Variants in ZBTB38 observed in about 807,000 individuals in gnomAD.
The protein encoded by ZBTB38 is zinc finger and BTB domain-containing protein 38.
A neutral mutation model predicts 76.8 loss-of-function variants in ZBTB38; 20 were observed. The ratio of observed to expected loss-of-function variants is 0.26; its 90% confidence interval spans 0.18 to 0.38. The LOEUF (loss-of-function observed/expected upper bound fraction) is 0.38. Among genes scored for constraint, ZBTB38 ranks in the 10% least tolerant of loss-of-function variants. ZBTB38 has a pLI of 1.00. For missense variants in ZBTB38, 1,082 were observed against 1,482.3 expected (o/e 0.73, Z 4.43); for synonymous variants, 504 against 544.2 (o/e 0.93, Z 1.03).
Position 141,445,233 on chromosome 3 carries a change from A to C in ZBTB38, c.2845A>C (p.Ser949Arg), listed in dbSNP as rs1457135993. The change falls in exon 6 of 6, where the codon AGC becomes CGC. Residue 949 changes from serine (S) to arginine (R), a missense_variant. Around this residue, in one of 8 missense-constraint regions of ZBTB38, gnomAD observed 471 missense variants for 581.0 expected, o/e 0.81. Coordinates refer to ENST00000321464, the MANE Select transcript of ZBTB38 (RefSeq NM_001376113.1). This position sits in a 1 kb window ranked among gnomAD's most constrained non-coding sequence, Gnocchi z 6.5. ...WRKEHGNRSPSHKCKYPAELD... is the reference protein window; with the variant it reads ...WRKEHGNRSPRHKCKYPAELD... ...GAAGGAGCACGGAAACAGGAGCCCG[A>C]GCCATAAATGTAAATACCCAGCAGA... The C allele has an allele frequency of 6.2e-7, 1 of 1,614,204 alleles. No individual in the cohort carries two copies. Among genetic ancestry groups the C allele is most frequent in the African/African-American group, 1.3e-5 (1 of 75,052 alleles).
At chr3:141,400,774 A>C (rs1356133152) in intron 4 of ZBTB38, among the ~76,000 whole-genome samples, 1 of 152,226 alleles carries the variant, frequency 6.6e-6, no homozygotes, top group Non-Finnish European at 1.5e-5. Flanking sequence ...AAAGCCCTAC[A>C]AGGTAGGCAC....
chr3:141,334,080 C>T (rs1255530667), intron 1 of ZBTB38, among the ~76,000 whole-genome samples: 3 of 152,202 alleles, frequency 2.0e-5, no homozygotes, highest in Non-Finnish European at 1.5e-5. Flanking sequence ...GGGACGCATA[C>T]ATCTCTCAGG....
intron 5 of ZBTB38, among the ~76,000 whole-genome samples, chr3:141,422,537 A>C (rs959915085): frequency 6.6e-5 from 10 of 152,148 alleles, no homozygotes; most frequent in Admixed American, 5.9e-4. Flanking sequence ...TGATGTTTCT[A>C]TGTGTGAAGA....
chr3:141,367,951 G>A (rs1488475299), upstream of ZBTB38, among the ~76,000 whole-genome samples: 3 of 152,318 alleles, frequency 2.0e-5, no homozygotes, highest in Non-Finnish European at 4.4e-5. Flanking sequence ...GGAAGAGCTA[G>A]TTCATGTTGG....
Position 141,443,695 on chromosome 3 carries a change from A to T in ZBTB38, c.1307A>T (p.Glu436Val), listed in dbSNP as rs1375059055. The T allele has an allele frequency of 6.2e-7, 1 of 1,613,994 alleles. No individual in the cohort carries two copies. The highest frequency in any genetic ancestry group is 1.3e-5 in the African/African-American group (1 of 74,926). The change falls in exon 6 of 6, where the codon GAA becomes GTA. Residue 436 changes from glutamate (E) to valine (V), a missense_variant. This residue lies in a region of ZBTB38 where 324 missense variants were observed against 359.1 expected (regional missense o/e 0.90). Coordinates refer to ENST00000321464, the MANE Select transcript of ZBTB38 (RefSeq NM_001376113.1). This position sits in a 1 kb window ranked among gnomAD's most constrained non-coding sequence, Gnocchi z 5.6. ...TTATTATCTGAAAATAGGATTGGTG[A>T]ATTTTCCAGTACCGGAAGTACTTTG... ...EPLLSENRIG[E>V]FSSTGSTLPD... is the part of the protein sequence containing the mutation.
intron 3 of ZBTB38, among the ~76,000 whole-genome samples, chr3:141,385,107 C>A (rs548042811): frequency 1.3e-5 from 2 of 152,254 alleles, no homozygotes; most frequent in South Asian, 4.2e-4. Context: ...TGTTGCTAAC[C>A]TGATTATTTT....
intron 1 of ZBTB38, among the ~76,000 whole-genome samples, chr3:141,325,439 T>G (rs1262304975): frequency 1.3e-5 from 2 of 152,092 alleles, no homozygotes; most frequent in African/African-American, 4.8e-5. Flanking sequence ...CCACCTAAAG[T>G]GGAGATAGAA....
intron 5 of ZBTB38, among the ~76,000 whole-genome samples, chr3:141,412,184 CT>C (rs1433059395): frequency 6.6e-6 from 1 of 152,042 alleles, no homozygotes; most frequent in Non-Finnish European, 1.5e-5. Context: ...CTGTGGTATT[CT>C]GTAAACAAAT....
chr3:141,436,755 C>T (rs917070955), intron 5 of ZBTB38, among the ~76,000 whole-genome samples: 5 of 152,164 alleles, frequency 3.3e-5, no homozygotes, highest in Admixed American at 6.5e-5. Flanking sequence ...ACCTTGGCCT[C>T]CCAAAGTGCT....
intron 3 of ZBTB38, among the ~76,000 whole-genome samples, chr3:141,384,028 G>T (rs1293928858): frequency 6.6e-6 from 1 of 152,242 alleles, no homozygotes; most frequent in Non-Finnish European, 1.5e-5. Flanking sequence ...GGATTTACTA[G>T]TTGAGAATGT....
intron 4 of ZBTB38, among the ~76,000 whole-genome samples, chr3:141,398,919 G>A (rs1261767739): frequency 1.3e-5 from 2 of 152,126 alleles, no homozygotes; most frequent in Admixed American, 1.3e-4. Context: ...CAGTGCAATT[G>A]ACACTATTAA....
Position 141,444,585 on chromosome 3 carries a change from A to G in ZBTB38, c.2197A>G (p.Ile733Val), listed in dbSNP as rs1396153898. The change falls in exon 6 of 6, where the codon ATT (isoleucine) becomes GTT (valine). Residue 733 changes from isoleucine (I) to valine (V), a missense_variant. Physicochemically the swap from Ile to Val is conservative, Grantham distance 29. Coordinates refer to ENST00000321464, the MANE Select transcript of ZBTB38 (RefSeq NM_001376113.1). This position sits in a 1 kb window ranked among gnomAD's most constrained non-coding sequence, Gnocchi z 5.1. Reference sequence around the variant, plus strand: ...ATCGGTGATCATGCACAGCAATGCCATTGCTGCCATGACCAGCAGCAACCA... The same window carrying G: ...ATCGGTGATCATGCACAGCAATGCCGTTGCTGCCATGACCAGCAGCAACCA... ...FSSVIMHSNA[I>V]AAMTSSNHRA... The G allele has an allele frequency of 2.5e-6, 4 of 1,614,208 alleles. No homozygotes were observed. The African/African-American group carries it at 4.0e-5, about 16-fold the overall frequency.
intron 5 of ZBTB38, among the ~76,000 whole-genome samples, chr3:141,415,606 G>A (rs147713115): frequency 2.6e-5 from 4 of 152,324 alleles, no homozygotes; most frequent in Admixed American, 6.5e-5. Context: ...ACACTCTGGC[G>A]AAGCACAGAG....
chr3:141,372,616 G>T (rs1241830066), intron 2 of ZBTB38, among the ~76,000 whole-genome samples: 5 of 150,622 alleles, frequency 3.3e-5, no homozygotes, highest in African/African-American at 9.8e-5. Context: ...CACACCACAG[G>T]ACTCCGGCCT....
At chr3:141,386,271 T>C (rs540032412) in intron 3 of ZBTB38, among the ~76,000 whole-genome samples, 8 of 152,350 alleles carry the variant, frequency 5.3e-5, no homozygotes, top group African/African-American at 1.9e-4. Flanking sequence ...CCAGAGGAAT[T>C]CAGCATCAAT....
intron 4 of ZBTB38, chr3:141,388,903 G>A (rs980596288): frequency 1.8e-4 from 27 of 152,190 alleles, no homozygotes; most frequent in African/African-American, 6.5e-4. Context: ...GCTCCAGAAT[G>A]CAGGTCAAGG....
intron 5 of ZBTB38, among the ~76,000 whole-genome samples, chr3:141,418,193 G>A (rs9825379): frequency 0.13 from 19,832 of 151,952 alleles, 2,198 homozygotes; most frequent in African/African-American, 0.3. Flanking sequence ...AACTCATCCA[G>A]TATTGGAAAC....
intron 1 of ZBTB38, among the ~76,000 whole-genome samples, chr3:141,324,626 C>T (rs1357163061): frequency 6.6e-6 from 1 of 152,052 alleles, no homozygotes; most frequent in Non-Finnish European, 1.5e-5. Context: ...TTATTGATTC[C>T]CCAGCATCTA....
chr3:141,427,501 G>A (rs1337987327), intron 5 of ZBTB38: 1 of 152,282 alleles, frequency 6.6e-6, no homozygotes, highest in Non-Finnish European at 1.5e-5. Context: ...CAGAAGGGTG[G>A]CTAGTGTGGG....
Sources: allele counts gnomAD v4.1 joint callset (sites outside exome capture counted in the v4.1 genomes callset), GRCh38; gene constraint gnomAD v4.1.1; regional missense constraint gnomAD v4.1.1; non-coding constraint Gnocchi (gnomAD v3.1); transcripts MANE v1.5; gene names NCBI Gene and HGNC (gene_info 2026-07-23, HGNC 2026-07-21).